SEMA3D: variants seen among roughly 807,000 people sequenced by gnomAD.
The protein encoded by SEMA3D is semaphorin 3D.
Under a neutral mutation model 100.1 loss-of-function variants are expected in SEMA3D, and 84 were observed. The ratio of observed to expected loss-of-function variants is 0.84; its 90% confidence interval spans 0.70 to 1.01. SEMA3D has a LOEUF of 1.01. SEMA3D is among the 50% of genes least tolerant of loss of function. The probability of loss-of-function intolerance (pLI) is 0.00; values close to 1 mark genes in which losing one functional copy is unlikely to be tolerated. For synonymous variants in SEMA3D, 312 were observed against 320.7 expected (o/e 0.97, Z 0.29); for missense variants, 875 against 934.1 (o/e 0.94, Z 0.82).
At chr7:85,006,590 G>T (rs541020978) in intron 18 of SEMA3D, among the ~76,000 whole-genome samples, 1 of 151,844 alleles carries the variant, frequency 6.6e-6, no homozygotes, top group East Asian at 1.9e-4. Flanking sequence ...AAAAAAATCA[G>T]TCTGCTTTCA....
At chr7:85,211,467 G>A in the SEMA3D span, among the ~76,000 whole-genome samples, 1 of 152,062 alleles carries the variant, frequency 6.6e-6, no homozygotes, top group Non-Finnish European at 1.5e-5. Flanking sequence ...CATAAGAGCA[G>A]TTCAACAGAA....
chr7:85,142,610 G>C, intron 2 of SEMA3D: 1 of 984,092 alleles, frequency 1.0e-6, no homozygotes, highest in Non-Finnish European at 1.2e-6. Context: ...AAAGGCTTTG[G>C]ATATTTGTTT....
chr7:85,158,889 C>A (rs1335695828), intron 1 of SEMA3D, among the ~76,000 whole-genome samples: 1 of 152,128 alleles, frequency 6.6e-6, no homozygotes, highest in Non-Finnish European at 1.5e-5. Context: ...GATATATCAT[C>A]AGAATTTTTT....
In SEMA3D at chr7:84,999,112, A is replaced by G; in HGVS notation, c.*328T>C. ...CATTCGAGGGAATAAAGCACCTTATACACTATCAAATTCGGGGCTTGCTTA... is the reference window on the plus strand; with the variant it reads ...CATTCGAGGGAATAAAGCACCTTATGCACTATCAAATTCGGGGCTTGCTTA... On this transcript the variant is annotated 3_prime_UTR_variant, in exon 19 of 19. Coordinates refer to ENST00000284136, the MANE Select transcript of SEMA3D (RefSeq NM_001384900.1). The G allele has an allele frequency of 3.1e-6, 1 of 325,190 alleles. No individual in the cohort carries two copies. The highest frequency in any genetic ancestry group is 5.7e-6 in the Non-Finnish European group (1 of 175,414). The allele number at this position is 325,190 out of a possible 1,614,324, so 20.1% of individuals were successfully genotyped here.
At chr7:85,095,312 T>C (rs1032940931) in intron 4 of SEMA3D, among the ~76,000 whole-genome samples, 3 of 152,038 alleles carry the variant, frequency 2.0e-5, no homozygotes, top group Non-Finnish European at 4.4e-5. Context: ...TTTTTTTCAG[T>C]AGGCACAGCC....
At chr7:85,070,375 T>C (rs576677932) in intron 6 of SEMA3D, among the ~76,000 whole-genome samples, 8 of 152,290 alleles carry the variant, frequency 5.3e-5, no homozygotes, top group African/African-American at 1.9e-4. Context: ...GAATCTGGGA[T>C]TCATCTTAGC....
intron 1 of SEMA3D, among the ~76,000 whole-genome samples, chr7:85,160,637 A>T (rs960625334): frequency 6.6e-6 from 1 of 152,052 alleles, no homozygotes; most frequent in African/African-American, 2.4e-5. Flanking sequence ...CCTAAACAGG[A>T]CTGGTGGGAC....
the SEMA3D span, among the ~76,000 whole-genome samples, chr7:85,235,213 T>C: frequency 6.6e-6 from 1 of 152,212 alleles, no homozygotes; most frequent in Non-Finnish European, 1.5e-5. Context: ...AGAAAACATA[T>C]ATATACTTAT....
chr7:85,053,957 A>G (rs954457522), intron 9 of SEMA3D, among the ~76,000 whole-genome samples: 2 of 151,564 alleles, frequency 1.3e-5, no homozygotes. Context: ...GTGATGAGAA[A>G]ACTCATTTAC....
At chr7:85,148,467 G>A (rs185045803) in intron 2 of SEMA3D, among the ~76,000 whole-genome samples, 65 of 152,136 alleles carry the variant, frequency 4.3e-4, no homozygotes, top group Non-Finnish European at 7.2e-4. Flanking sequence ...TTCTACTAAC[G>A]TCCTTAGCTG....
chr7:85,182,072 T>A (rs1791425513), intron 1 of SEMA3D, among the ~76,000 whole-genome samples: 1 of 152,026 alleles, frequency 6.6e-6, no homozygotes, highest in Non-Finnish European at 1.5e-5. Context: ...TTATGGTGAA[T>A]TCTTCTTTTC....
intron 2 of SEMA3D, among the ~76,000 whole-genome samples, chr7:85,146,177 T>TA (rs991724425): frequency 6.6e-6 from 1 of 152,198 alleles, no homozygotes; most frequent in Non-Finnish European, 1.5e-5. Flanking sequence ...TATGACATCT[T>TA]ACAGTTCTTT....
rs186481256 is a variant in SEMA3D at position 85,164,308 on chromosome 7, T to C, written c.-172-10569A>G. On this transcript the variant is annotated intron_variant, in intron 1 of 18. Transcript: ENST00000284136. The stretch of plus-strand genomic sequence containing the variant: ...AACTAGTTATTTAAACTAGTTGTTA[T>C]TGTTTGTTTTAACCCAAACCTATCT... Among the ~76,000 whole-genome samples the C allele has an allele frequency of 6.8e-3, 1,034 of 152,306 alleles. 10 individuals are homozygous for C. Among genetic ancestry groups the C allele is most frequent in the Non-Finnish European group, 8.8e-3 (596 of 68,022 alleles).
the SEMA3D span, among the ~76,000 whole-genome samples, chr7:85,202,214 C>G: frequency 3.9e-5 from 4 of 102,162 alleles, no homozygotes; most frequent in Admixed American, 1.4e-4. Context: ...CCCCCTCCCC[C>G]CACCCCACAA....
At chr7:85,218,633 C>T in the SEMA3D span, among the ~76,000 whole-genome samples, 4 of 152,000 alleles carry the variant, frequency 2.6e-5, no homozygotes, top group Non-Finnish European at 5.9e-5. Context: ...ACACATCAGT[C>T]TGAGCTTTAA....
At chr7:85,158,033 T>A (rs1172907712) in intron 1 of SEMA3D, among the ~76,000 whole-genome samples, 1 of 152,188 alleles carries the variant, frequency 6.6e-6, no homozygotes, top group African/African-American at 2.4e-5. Flanking sequence ...AATCTCTTAA[T>A]CCTATCATCT....
chr7:85,109,458 C>T (rs983259417), intron 3 of SEMA3D, among the ~76,000 whole-genome samples: 1 of 151,952 alleles, frequency 6.6e-6, no homozygotes, highest in East Asian at 1.9e-4. Context: ...TTCTACTTCA[C>T]CACTCCATCG....
At position 84,999,184 on chromosome 7, in the gene SEMA3D, A is replaced by T. The variant is rs1789581249; in HGVS notation, c.*256T>A. 1 of 472,054 alleles carries T rather than the reference A, an allele frequency of 2.1e-6. No individual in the cohort carries two copies. The highest frequency in any genetic ancestry group is 1.9e-5 in the African/African-American group (1 of 51,576). 29.2% of individuals were successfully genotyped at this position (472,054 alleles called of 1,614,324 possible). ...TAAATTCCAAAACTCAAAACATAAA[A>T]CATTTACAACTGTAAACCCCCTATT... On this transcript the variant is annotated 3_prime_UTR_variant, in exon 19 of 19. Transcript: ENST00000284136.
intron 1 of SEMA3D, among the ~76,000 whole-genome samples, chr7:85,155,021 A>C (rs1293948323): frequency 1.3e-5 from 2 of 152,170 alleles, no homozygotes; most frequent in East Asian, 3.9e-4. Flanking sequence ...CTTTAAAAAT[A>C]ATGTAATCAT....
Sources: gnomAD v4.1 joint callset for allele counts (sites outside exome capture counted in the v4.1 genomes callset) on GRCh38, gnomAD v4.1.1 for gene constraint, MANE v1.5 for transcripts, NCBI Gene and HGNC (gene_info 2026-07-23, HGNC 2026-07-21) for gene names.